JAZF1: variants seen among roughly 807,000 people sequenced by gnomAD.
The protein encoded by JAZF1 is JAZF zinc finger 1, also known as juxtaposed with another zinc finger protein 1.
In JAZF1, 8 loss-of-function variants were observed where a neutral mutation model predicts 26.4. The ratio of observed to expected loss-of-function variants is 0.30; its 90% confidence interval spans 0.18 to 0.55. The LOEUF is 0.55. Among genes scored for constraint, JAZF1 ranks in the 20% least tolerant of loss-of-function variants. The pLI is 0.94. For synonymous variants in JAZF1, 126 were observed against 122.3 expected (o/e 1.03, Z -0.20); for missense variants, 199 against 322.0 (o/e 0.62, Z 2.92).
chr7:27,941,567 C>A (rs1784848438), intron 2 of JAZF1, among the ~76,000 whole-genome samples: 1 of 152,210 alleles, frequency 6.6e-6, no homozygotes, highest in African/African-American at 2.4e-5. Context: ...GGAATCTCAG[C>A]ATGGGTGTCA....
chr7:28,108,300 A>G (rs1200711051), intron 1 of JAZF1, among the ~76,000 whole-genome samples: 1 of 152,152 alleles, frequency 6.6e-6, no homozygotes, highest in Non-Finnish European at 1.5e-5. Flanking sequence ...TTACCCTTCC[A>G]GCAATGCCAA....
Position 28,024,538 on chromosome 7 carries a change from A to G in JAZF1, c.116-32557T>C, listed in dbSNP as rs901054760. Among the ~76,000 whole-genome samples, 7 of 152,344 alleles carry G rather than the reference A, an allele frequency of 4.6e-5. No individual in the cohort carries two copies. The South Asian group carries it at 8.3e-4, about 18-fold the overall frequency. On this transcript the variant is annotated intron_variant, in intron 1 of 4. Coordinates refer to ENST00000283928, the MANE Select transcript of JAZF1 (RefSeq NM_175061.4). ...TCAAAACAATCCTCCCATAATTATC[A>G]TCATTTTGAAGATGAGGAAACAGGT...
At chr7:27,917,035 T>C (rs112483034) in intron 2 of JAZF1, among the ~76,000 whole-genome samples, 140 of 152,320 alleles carry the variant, frequency 9.2e-4, no homozygotes, top group African/African-American at 3.2e-3. Context: ...GCCCGGGAGC[T>C]GGAGACCAGC....
At chr7:27,950,480 T>C (rs1170255677) in intron 2 of JAZF1, among the ~76,000 whole-genome samples, 2 of 152,118 alleles carry the variant, frequency 1.3e-5, no homozygotes, top group Non-Finnish European at 2.9e-5. Context: ...AGACTACCAA[T>C]GAAAAGCCAC....
chr7:28,149,642 T>C (rs185432827), intron 1 of JAZF1, among the ~76,000 whole-genome samples: 8 of 152,212 alleles, frequency 5.3e-5, no homozygotes, highest in Non-Finnish European at 8.8e-5. Flanking sequence ...AACCCACAGG[T>C]TCAACTAGAT....
chr7:27,876,147 T>C (rs1206176786), intron 3 of JAZF1, among the ~76,000 whole-genome samples: 2 of 152,250 alleles, frequency 1.3e-5, no homozygotes, highest in Non-Finnish European at 2.9e-5. Context: ...TGTCCCCGCA[T>C]GGTAACTCAC....
chr7:28,088,576 T>A lies in JAZF1; in HGVS notation c.115+91887A>T, dbSNP rs528114854. On this transcript the variant is annotated intron_variant, in intron 1 of 4. Transcript: ENST00000283928. ...CACAGGGATCAAAGTCAGAGATGTGTGTGATGAAGTGTAGCTAGGTTTGTT... is the reference window on the plus strand; with the variant it reads ...CACAGGGATCAAAGTCAGAGATGTGAGTGATGAAGTGTAGCTAGGTTTGTT... Among the ~76,000 whole-genome samples the A allele has an allele frequency of 5.3e-5, 8 of 152,308 alleles. No individual in the cohort carries two copies. The East Asian group carries it at 1.5e-3, about 29-fold the overall frequency.
chr7:27,843,300 T>A (rs1782958710), intron 3 of JAZF1: 1 of 152,268 alleles, frequency 6.6e-6, no homozygotes, highest in South Asian at 2.1e-4. Context: ...AGACCTGGGT[T>A]CATGCCTTTG....
At chr7:28,110,390 C>T (rs541620097) in intron 1 of JAZF1, among the ~76,000 whole-genome samples, 2 of 149,732 alleles carry the variant, frequency 1.3e-5, no homozygotes, top group African/African-American at 4.9e-5. Context: ...CACGCCATTG[C>T]ACTCCAGCCT....
intron 2 of JAZF1, among the ~76,000 whole-genome samples, chr7:27,952,322 T>C (rs1158802428): frequency 6.6e-6 from 1 of 152,184 alleles, no homozygotes; most frequent in Non-Finnish European, 1.5e-5. Flanking sequence ...AGAAAACATC[T>C]GAAGTTTATC....
chr7:27,914,694 T>A lies in JAZF1; in HGVS notation c.189-19278A>T, dbSNP rs1325444619. 6.4e-6 allele frequency: 3 copies of A among 470,836 alleles called. No individual in the cohort carries two copies. In the East Asian group the frequency reaches 2.1e-4, roughly 33 times the overall value. 29.2% of individuals were successfully genotyped at this position (470,836 alleles called of 1,614,324 possible). On this transcript the variant is annotated intron_variant, in intron 2 of 4. Coordinates refer to ENST00000283928, the MANE Select transcript of JAZF1 (RefSeq NM_175061.4). Reference sequence around the variant, plus strand: ...ATTGTTACTAGATCTCCCATATAGATATAGCACTTCTTCAGAAGCACAGGG... The same window carrying A: ...ATTGTTACTAGATCTCCCATATAGAAATAGCACTTCTTCAGAAGCACAGGG...
chr7:28,147,989 T>G (rs1364001287), intron 1 of JAZF1, among the ~76,000 whole-genome samples: 1 of 152,152 alleles, frequency 6.6e-6, no homozygotes, highest in Non-Finnish European at 1.5e-5. Flanking sequence ...AATTTCTTTC[T>G]TTCCTTTATC....
intron 1 of JAZF1, among the ~76,000 whole-genome samples, chr7:28,086,983 T>A (rs1221505542): frequency 6.6e-6 from 1 of 152,238 alleles, no homozygotes; most frequent in Non-Finnish European, 1.5e-5. Flanking sequence ...TTTAACTTAC[T>A]ATGTGTCTTT....
chr7:27,912,804 G>A (rs1408205824), intron 2 of JAZF1, among the ~76,000 whole-genome samples: 1 of 152,090 alleles, frequency 6.6e-6, no homozygotes, highest in Admixed American at 6.5e-5. Context: ...GAATTAAAAT[G>A]CAGAAAGTGC....
intron 1 of JAZF1, among the ~76,000 whole-genome samples, chr7:28,141,068 T>C (rs1782953234): frequency 6.6e-6 from 1 of 152,244 alleles, no homozygotes; most frequent in African/African-American, 2.4e-5. Flanking sequence ...TATGTTATGC[T>C]ATCCCAGCTT....
intron 1 of JAZF1, among the ~76,000 whole-genome samples, chr7:28,083,921 T>C (rs1296301383): frequency 2.0e-5 from 3 of 152,044 alleles, no homozygotes; most frequent in Admixed American, 2.0e-4. Flanking sequence ...CTAAGAATTA[T>C]TGGTATTGCT....
At chr7:27,833,746 A>G (rs960679025) in intron 4 of JAZF1, among the ~76,000 whole-genome samples, 1 of 152,090 alleles carries the variant, frequency 6.6e-6, no homozygotes, top group Non-Finnish European at 1.5e-5. Flanking sequence ...TGCTTTCTAA[A>G]TTTCTGTTTG....
chr7:28,145,430 T>G (rs2127946671), intron 1 of JAZF1, among the ~76,000 whole-genome samples: 1 of 152,322 alleles, frequency 6.6e-6, no homozygotes, highest in East Asian at 1.9e-4. Context: ...ATGCTGACTC[T>G]GCAGCTTAAT....
At chr7:27,890,904 C>T (rs1256573067) in intron 3 of JAZF1, among the ~76,000 whole-genome samples, 2 of 151,298 alleles carry the variant, frequency 1.3e-5, no homozygotes, top group Non-Finnish European at 2.9e-5. Flanking sequence ...ATTCTCCTGC[C>T]TCAACCTCCC....
Sources: gnomAD v4.1 joint callset for allele counts (sites outside exome capture counted in the v4.1 genomes callset) on GRCh38, gnomAD v4.1.1 for gene constraint, MANE v1.5 for transcripts, NCBI Gene and HGNC (gene_info 2026-07-23, HGNC 2026-07-21) for gene names.